WDPCP: variants seen among roughly 807,000 people sequenced by gnomAD.
The protein encoded by WDPCP is WD repeat-containing and planar cell polarity effector protein fritz homolog.
In WDPCP, 71 loss-of-function variants were observed where a neutral mutation model predicts 93.1. The ratio of observed to expected loss-of-function variants is 0.76; its 90% CI spans 0.63 to 0.93. The LOEUF is 0.93. Ranked by LOEUF, WDPCP falls within the 40% of genes least tolerant of loss-of-function variation. WDPCP has a pLI of 0.00. For missense variants in WDPCP, 844 were observed against 887.4 expected, an observed-to-expected ratio of 0.95 and a Z score of 0.62; for synonymous variants, 315 against 315.0, an observed-to-expected ratio of 1.00 and a Z score of 0.00.
chr2:63,250,013 T>G (rs1213737233), intron 14 of WDPCP, among the ~76,000 whole-genome samples: 1 of 152,180 alleles, frequency 6.6e-6, no homozygotes, highest in Admixed American at 6.5e-5. Context: ...ACCATAGATC[T>G]TAGCAAGCTC....
chr2:63,808,467 G>A (rs934540808), intron 2 of WDPCP, among the ~76,000 whole-genome samples: 7 of 152,058 alleles, frequency 4.6e-5, no homozygotes, highest in Non-Finnish European at 8.8e-5. Flanking sequence ...TCAGCCTGCC[G>A]AATGCCTGCG....
chr2:63,437,807 T>G, intron 7 of WDPCP: 1,921 of 1,518,040 alleles, frequency 1.3e-3, no homozygotes, highest in Non-Finnish European at 1.6e-3. Flanking sequence ...CACCAATGGA[T>G]GAGATGTATT....
At chr2:63,376,782 G>C (rs1691886975) in intron 12 of WDPCP, among the ~76,000 whole-genome samples, 1 of 151,896 alleles carries the variant, frequency 6.6e-6, no homozygotes, top group African/African-American at 2.4e-5. Flanking sequence ...ATGTCATTCA[G>C]ATGAAAAGGC....
At chr2:63,292,271 T>G (rs543954410) in intron 13 of WDPCP, among the ~76,000 whole-genome samples, 1 of 152,046 alleles carries the variant, frequency 6.6e-6, no homozygotes, top group South Asian at 2.1e-4. Context: ...GACCACAAAA[T>G]AACCCTGTAA....
intron 6 of WDPCP, among the ~76,000 whole-genome samples, chr2:63,455,670 C>A (rs1482419911): frequency 6.6e-6 from 1 of 152,112 alleles, no homozygotes; most frequent in Non-Finnish European, 1.5e-5. Flanking sequence ...CTAGTGCACC[C>A]AGATTCATAA....
At chr2:63,225,902 A>G (rs1339006470) in intron 14 of WDPCP, among the ~76,000 whole-genome samples, 1 of 151,898 alleles carries the variant, frequency 6.6e-6, no homozygotes, top group African/African-American at 2.4e-5. Context: ...GCAGTATAAG[A>G]AGATGGGACA....
At chr2:63,382,914 C>T (rs966220332) in intron 10 of WDPCP, among the ~76,000 whole-genome samples, 1 of 152,100 alleles carries the variant, frequency 6.6e-6, no homozygotes, top group Non-Finnish European at 1.5e-5. Flanking sequence ...CTTCATGAGC[C>T]TGCAGTCAGG....
chr2:63,150,804 A>T (rs1349550380), intron 17 of WDPCP, among the ~76,000 whole-genome samples: 1 of 152,258 alleles, frequency 6.6e-6, no homozygotes, highest in Non-Finnish European at 1.5e-5. Context: ...GTTGAAAAAT[A>T]GTTATTATAG....
intron 2 of WDPCP, among the ~76,000 whole-genome samples, chr2:63,795,016 C>A (rs1265547997): frequency 6.6e-6 from 1 of 152,188 alleles, no homozygotes; most frequent in Non-Finnish European, 1.5e-5. Context: ...AATGACAACA[C>A]AGAAAAGTGG....
intron 14 of WDPCP, among the ~76,000 whole-genome samples, chr2:63,216,499 A>T (rs2104451183): frequency 6.6e-6 from 1 of 152,264 alleles, no homozygotes; most frequent in Admixed American, 6.5e-5. Flanking sequence ...TATAGGTGGG[A>T]ATTGAAGAAT....
chr2:63,803,647 T>G (rs912223734), intron 2 of WDPCP, among the ~76,000 whole-genome samples: 1 of 152,136 alleles, frequency 6.6e-6, no homozygotes, highest in Admixed American at 6.5e-5. Context: ...ATTACATTTA[T>G]TCATTGTTTC....
intron 13 of WDPCP, among the ~76,000 whole-genome samples, chr2:63,292,068 G>A (rs2105020058): frequency 1.4e-5 from 2 of 146,300 alleles, no homozygotes; most frequent in South Asian, 2.2e-4. Flanking sequence ...GGGAGGTGGA[G>A]CTTGCAGTGA....
At chr2:63,540,028 A>G (rs906909553) in intron 1 of WDPCP, among the ~76,000 whole-genome samples, 1 of 152,216 alleles carries the variant, frequency 6.6e-6, no homozygotes, top group African/African-American at 2.4e-5. Context: ...TTGAGAATTA[A>G]ATTTTAAAAA....
intron 2 of WDPCP, among the ~76,000 whole-genome samples, chr2:63,710,793 C>T (rs1669250672): frequency 6.6e-6 from 1 of 152,138 alleles, no homozygotes; most frequent in African/African-American, 2.4e-5. Context: ...ATCAGTCATC[C>T]TTGGAAGTGG....
intron 14 of WDPCP, among the ~76,000 whole-genome samples, chr2:63,241,367 C>G (rs909307504): frequency 6.6e-6 from 1 of 152,056 alleles, no homozygotes; most frequent in Non-Finnish European, 1.5e-5. Context: ...AGGAATATAC[C>G]TAAGTCAAAC....
intron 1 of WDPCP, among the ~76,000 whole-genome samples, chr2:63,575,556 A>AGTGTATGCACT (rs1361514333): frequency 1.4e-5 from 2 of 139,452 alleles, no homozygotes; most frequent in South Asian, 2.2e-4. Flanking sequence ...TAGTATATAC[A>AGTGTATGCACT]GTATATATAC....
upstream of WDPCP, among the ~76,000 whole-genome samples, chr2:63,828,268 T>C (rs2104159902): frequency 6.6e-6 from 1 of 152,224 alleles, no homozygotes; most frequent in African/African-American, 2.4e-5. Context: ...CTTGAAAGCA[T>C]TTCTTCCAGA....
At chr2:63,216,871 A>G (rs1677399834) in intron 14 of WDPCP, among the ~76,000 whole-genome samples, 1 of 152,224 alleles carries the variant, frequency 6.6e-6, no homozygotes. Context: ...AAGGACTACT[A>G]TAATGAAAAT....
chr2:63,198,439 A>T (rs1284783985), intron 14 of WDPCP, among the ~76,000 whole-genome samples: 1 of 152,104 alleles, frequency 6.6e-6, no homozygotes, highest in East Asian at 1.9e-4. Flanking sequence ...GATGCCAGGG[A>T]AAAACAGTCT....
Sources: allele counts gnomAD v4.1 joint callset (sites outside exome capture counted in the v4.1 genomes callset), GRCh38; gene constraint gnomAD v4.1.1; transcripts MANE v1.5; gene names NCBI Gene and HGNC (gene_info 2026-07-23, HGNC 2026-07-21).